CANX: variants seen among roughly 807,000 people sequenced by gnomAD.
The protein encoded by CANX is calnexin.
Under a neutral mutation model 75.7 loss-of-function variants are expected in CANX, and 14 were observed. That is an observed-to-expected ratio of 0.19 (90% CI 0.12 to 0.29). The LOEUF (loss-of-function observed/expected upper bound fraction) is 0.29. Among genes scored for constraint, CANX ranks in the 10% least tolerant of loss-of-function variants. The pLI is 1.00. For missense variants in CANX, 567 were observed against 713.2 expected (o/e 0.79, Z 2.34); for synonymous variants, 227 against 236.9 (o/e 0.96, Z 0.38).
intron 2 of CANX, 143 bp downstream of exon 2, chr5:179,705,995 A>T: frequency 1.5e-6 from 1 of 661,394 alleles, no homozygotes; most frequent in South Asian, 1.9e-5. Flanking sequence ...ACACAGGGAG[A>T]TATCATCTCT....
chr5:179,720,563 T>G lies in CANX; in HGVS notation c.1182+3T>G, dbSNP rs759144220. The G allele has an allele frequency of 1.4e-5, 23 of 1,613,442 alleles. 1 individual carries two copies. Among genetic ancestry groups the G allele is most frequent in the Admixed American group, 3.3e-5 (2 of 59,998 alleles). ...TGATTGACAATCCCAGTTACCAGGT[T>G]TGTGCCTCTTGATGGTTGAGTTGCT... On this transcript the variant is annotated splice_donor_region_variant and intron_variant, in intron 10 of 14. Transcript: ENST00000247461.
chr5:179,699,155 T>C (rs1462798304), intron 1 of CANX, 53 bp downstream of exon 1: 1 of 970,680 alleles, frequency 1.0e-6, no homozygotes, highest in Middle Eastern at 4.1e-4. Flanking sequence ...CTCGGGGGGC[T>C]GGGAGCGCCT....
Position 179,723,860 on chromosome 5 carries a change from A to T in CANX, c.1518+81A>T. 3.8e-6 allele frequency: 5 copies of T among 1,322,998 alleles called. No homozygotes were observed. In the South Asian group the frequency reaches 7.0e-5, roughly 19 times the overall value. The allele number at this position is 1,322,998 out of a possible 1,614,324, so 82.0% of individuals were successfully genotyped here. A position where few individuals can be genotyped will look rare whatever the true frequency, so the allele number is the denominator to read the frequency against. On this transcript the variant is annotated intron_variant, in intron 12 of 14. Transcript: ENST00000247461. ...AAAAATAACTAAGATATGTTGCCTG[A>T]GGTTTTCTTTGTAGTGGCTCAGTAA...
At chr5:179,725,583 G>C (rs1395589456) in intron 13 of CANX, among the ~76,000 whole-genome samples, 1 of 150,056 alleles carries the variant, frequency 6.7e-6, no homozygotes, top group Non-Finnish European at 1.5e-5. Flanking sequence ...AGGAGGCTGA[G>C]GCAGGAGAAT....
At chr5:179,678,729 C>T (rs780839309) in exon 1 of CANX, 2 of 1,537,036 alleles carry the variant, frequency 1.3e-6, no homozygotes, top group South Asian at 2.4e-5. Flanking sequence ...TGCATGCGCG[C>T]CATGGTCTCA....
upstream of CANX, chr5:179,698,615 TGGG>T: frequency 7.8e-7 from 1 of 1,285,292 alleles, no homozygotes; most frequent in Non-Finnish European, 1.0e-6. Flanking sequence ...TGAGGGCTAC[TGGG>T]GGTTGGGTTG....
chr5:179,707,909 T>A (rs942578222), intron 4 of CANX, among the ~76,000 whole-genome samples: 4 of 152,156 alleles, frequency 2.6e-5, no homozygotes, highest in African/African-American at 9.7e-5. Context: ...TGATCTTGGC[T>A]CACCGCAACC....
At chr5:179,707,007 G>A in intron 3 of CANX, 125 bp from the exon 4 acceptor site, 1 of 650,070 alleles carries the variant, frequency 1.5e-6, no homozygotes, top group Non-Finnish European at 2.8e-6. Context: ...AGATTTAAAG[G>A]TTGGAAGTAG....
intron 7 of CANX, 182 bp from the exon 8 acceptor site, chr5:179,715,923 G>T: frequency 7.6e-6 from 5 of 660,474 alleles, no homozygotes; most frequent in Non-Finnish European, 1.1e-5. Context: ...AATCATTTAT[G>T]TTTCGTGCAT....
chr5:179,712,615 G>A lies in CANX; in HGVS notation c.721+2550G>A, dbSNP rs991837068. Among the ~76,000 whole-genome samples, 3 of 144,132 alleles carry A rather than the reference G, an allele frequency of 2.1e-5. No individual in the cohort carries two copies. The Admixed American group carries it at 2.1e-4, about 10-fold the overall frequency. The allele number at this position is 144,132 out of a possible 152,430, so 94.6% of individuals were successfully genotyped here. A position where few individuals can be genotyped will look rare whatever the true frequency, so the allele number is the denominator to read the frequency against. ...TTTTTTTTTTTTTTTAGTAGAGATG[G>A]GTTTTCTCCATGTTGGTCAGGCTGG... On this transcript the variant is annotated intron_variant, in intron 7 of 14. Coordinates refer to ENST00000247461, the MANE Select transcript of CANX (RefSeq NM_001746.4).
chr5:179,698,653 A>G, upstream of CANX: 3 of 1,196,692 alleles, frequency 2.5e-6, no homozygotes, highest in Non-Finnish European at 3.3e-6. Context: ...CACCACAGCA[A>G]CCGACGCGGG....
At chr5:179,684,390 C>G (rs1776144526) in intron 1 of CANX, among the ~76,000 whole-genome samples, 1 of 134,936 alleles carries the variant, frequency 7.4e-6, no homozygotes, top group Admixed American at 7.6e-5. Context: ...GCTAGTAAGC[C>G]TTTTTTTTTT....
upstream of CANX, among the ~76,000 whole-genome samples, chr5:179,695,632 T>TTTTA (rs201405088): frequency 1.5e-4 from 23 of 149,916 alleles, no homozygotes; most frequent in African/African-American, 1.2e-4. Context: ...CCTGGCCTAT[T>TTTTA]TTTATTTATT....
At chr5:179,678,813 A>C in intron 1 of CANX, 1 of 1,536,842 alleles carries the variant, frequency 6.5e-7, no homozygotes, top group South Asian at 1.2e-5. Context: ...TGGCTTTTGG[A>C]CCGCTGCACC....
At chr5:179,708,153 A>C in intron 4 of CANX, 86 bp from the exon 5 acceptor site, 1 of 1,086,724 alleles carries the variant, frequency 9.2e-7, no homozygotes, top group Non-Finnish European at 1.4e-6. Context: ...TAATATATTT[A>C]TGCAACTAGG....
chr5:179,721,753 A>T lies in CANX; in HGVS notation c.1183-1051A>T, dbSNP rs190358733. ...CCAAGTAAAATTATTTATAATCTCTACAAAGAGTGGCAATTAAAATTATTT... is the reference window on the plus strand; with the variant it reads ...CCAAGTAAAATTATTTATAATCTCTTCAAAGAGTGGCAATTAAAATTATTT... On this transcript the variant is annotated intron_variant, in intron 10 of 14. Coordinates refer to ENST00000247461, the MANE Select transcript of CANX (RefSeq NM_001746.4). Among the ~76,000 whole-genome samples the T allele has an allele frequency of 5.3e-4, 81 of 152,312 alleles. 1 individual carries two copies. The highest frequency in any genetic ancestry group is 3.4e-3 in the Middle Eastern group (1 of 294).
At chr5:179,704,222 T>TAA (rs1776969908) in intron 1 of CANX, 2 of 152,242 alleles carry the variant, frequency 1.3e-5, no homozygotes, top group Non-Finnish European at 2.9e-5. Context: ...ACAGGGCGCT[T>TAA]ACGTGGTTAG....
intron 14 of CANX, 62 bp downstream of exon 14, chr5:179,726,821 A>G: frequency 8.1e-7 from 1 of 1,233,320 alleles, no homozygotes; most frequent in Non-Finnish European, 1.2e-6. Flanking sequence ...TGTAAAGGGA[A>G]TATTTTAATA....
At chr5:179,698,623 G>A, upstream of CANX, 1 of 1,271,604 alleles carries the variant, frequency 7.9e-7, no homozygotes, top group Non-Finnish European at 1.0e-6. Context: ...ACTGGGGGTT[G>A]GGTTGGAACG....
Sources: allele counts gnomAD v4.1 joint callset (sites outside exome capture counted in the v4.1 genomes callset), GRCh38; gene constraint gnomAD v4.1.1; transcripts MANE v1.5; gene names NCBI Gene and HGNC (gene_info 2026-07-23, HGNC 2026-07-21).